ROBO2: variants seen among roughly 807,000 people sequenced by gnomAD.
ROBO2 encodes roundabout homolog 2.
Under a neutral mutation model 160.8 loss-of-function variants are expected in ROBO2, and 53 were observed. The observed-to-expected ratio is 0.33, with a 90% confidence interval of 0.26 to 0.41. ROBO2 has a LOEUF of 0.41. Among genes scored for constraint, ROBO2 ranks in the 10% least tolerant of loss-of-function variants. ROBO2 has a pLI of 1.00. For synonymous variants in ROBO2, 664 were observed against 611.7 expected (o/e 1.09, Z -1.26); for missense variants, 1,577 against 1,722.4 (o/e 0.92, Z 1.49).
chr3:77,419,772 T>G (rs2077552025), intron 2 of ROBO2, among the ~76,000 whole-genome samples: 1 of 152,120 alleles, frequency 6.6e-6, no homozygotes, highest in Admixed American at 6.6e-5. Flanking sequence ...GGATATTTGT[T>G]AAAAAGCAAA....
chr3:76,176,367 A>G (rs2073231116), intron 2 of ROBO2, among the ~76,000 whole-genome samples: 1 of 151,522 alleles, frequency 6.6e-6, no homozygotes, highest in African/African-American at 2.4e-5. Flanking sequence ...GCTGTGCTCC[A>G]AGGACAGGGA....
intron 2 of ROBO2, among the ~76,000 whole-genome samples, chr3:76,042,266 A>G (rs2067297120): frequency 6.6e-6 from 1 of 152,024 alleles, no homozygotes; most frequent in African/African-American, 2.4e-5. Flanking sequence ...TTAATGCATG[A>G]TATGCAGGTG....
At chr3:77,176,110 G>A (rs1381888498) in intron 2 of ROBO2, among the ~76,000 whole-genome samples, 1 of 151,796 alleles carries the variant, frequency 6.6e-6, no homozygotes, top group African/African-American at 2.4e-5. Flanking sequence ...AGCTCCAAAA[G>A]ATTGAGGGAG....
intron 2 of ROBO2, among the ~76,000 whole-genome samples, chr3:77,237,374 T>C (rs1335769155): frequency 3.3e-5 from 5 of 149,620 alleles, no homozygotes; most frequent in Non-Finnish European, 5.9e-5. Context: ...TTTTCTTTTC[T>C]TTTTTTTTCT....
intron 16 of ROBO2, among the ~76,000 whole-genome samples, chr3:77,585,187 C>T (rs962155032): frequency 2.0e-5 from 3 of 150,764 alleles, no homozygotes; most frequent in Non-Finnish European, 3.0e-5. Flanking sequence ...GTAGAGCTTT[C>T]TGTTTCTTTT....
Position 76,437,341 on chromosome 3 carries a change from G to C in ROBO2, c.109+499739G>C, listed in dbSNP as rs146067300. On this transcript the variant is annotated intron_variant, in intron 2 of 26. Transcript: ENST00000487694. ...AGTTAGAGTTGGTCACCTCCAGCTG[G>C]GTTTCCTATACTTGAAAAAACCAAT... Among the ~76,000 whole-genome samples, 549 of 152,230 alleles carry C rather than the reference G, an allele frequency of 3.6e-3. 1 individual carries two copies. The highest frequency in any genetic ancestry group is 0.013 in the African/African-American group (525 of 41,538).
chr3:77,273,164 A>G (rs1218385836), intron 2 of ROBO2, among the ~76,000 whole-genome samples: 1 of 151,468 alleles, frequency 6.6e-6, no homozygotes, highest in Non-Finnish European at 1.5e-5. Flanking sequence ...TTTTGTTTCC[A>G]TGTGTGCACA....
chr3:77,152,319 A>G (rs1452769835), intron 2 of ROBO2, among the ~76,000 whole-genome samples: 1 of 152,218 alleles, frequency 6.6e-6, no homozygotes, highest in African/African-American at 2.4e-5. Flanking sequence ...TTAATACTAT[A>G]TTTAGCCTAA....
chr3:76,569,958 CT>C (rs2084858580), intron 2 of ROBO2, among the ~76,000 whole-genome samples: 1 of 152,024 alleles, frequency 6.6e-6, no homozygotes, highest in Admixed American at 6.6e-5. Context: ...GACATTGTCT[CT>C]AATAAAATTA....
intron 2 of ROBO2, among the ~76,000 whole-genome samples, chr3:77,164,509 C>T (rs1186623828): frequency 7.0e-6 from 1 of 143,204 alleles, no homozygotes; most frequent in Non-Finnish European, 1.6e-5. Context: ...CCCCGCCCGG[C>T]CAGCCGTGCT....
At chr3:76,650,492 T>TA (rs1553852873) in intron 2 of ROBO2, among the ~76,000 whole-genome samples, 25 of 151,824 alleles carry the variant, frequency 1.6e-4, no homozygotes, top group Non-Finnish European at 3.2e-4. Context: ...TTTTTTTTTT[T>TA]ATTTTTTTCT....
chr3:77,470,144 G>A (rs1240063195), intron 2 of ROBO2, among the ~76,000 whole-genome samples: 1 of 152,146 alleles, frequency 6.6e-6, no homozygotes, highest in Non-Finnish European at 1.5e-5. Flanking sequence ...AAATGTCCCT[G>A]ATGAGCCTGG....
chr3:77,337,909 G>A (rs2066651476), intron 2 of ROBO2, among the ~76,000 whole-genome samples: 1 of 152,088 alleles, frequency 6.6e-6, no homozygotes, highest in Admixed American at 6.6e-5. Flanking sequence ...ATTCCAGCTT[G>A]ACTCCACAAA....
intron 2 of ROBO2, among the ~76,000 whole-genome samples, chr3:76,601,669 A>G (rs998404940): frequency 2.0e-5 from 3 of 152,096 alleles, no homozygotes; most frequent in Non-Finnish European, 2.9e-5. Context: ...GGCCAAGGTA[A>G]CCATTTTCTC....
At chr3:77,034,537 T>C (rs931811741) in intron 2 of ROBO2, among the ~76,000 whole-genome samples, 1 of 151,938 alleles carries the variant, frequency 6.6e-6, no homozygotes, top group African/African-American at 2.4e-5. Context: ...GACAGTTCAA[T>C]TAGATTACAT....
chr3:77,426,120 G>T (rs777694626), intron 2 of ROBO2, among the ~76,000 whole-genome samples: 1 of 152,054 alleles, frequency 6.6e-6, no homozygotes, highest in Admixed American at 6.6e-5. Flanking sequence ...GTTAAAGGTC[G>T]TTCAGCTGTC....
intron 2 of ROBO2, among the ~76,000 whole-genome samples, chr3:77,472,234 C>T (rs1388158365): frequency 6.6e-6 from 1 of 152,070 alleles, no homozygotes; most frequent in Admixed American, 6.5e-5. Context: ...CTAGTTCATG[C>T]TCAAGGGGAG....
At chr3:77,014,864 G>A (rs2062142210) in intron 2 of ROBO2, among the ~76,000 whole-genome samples, 1 of 152,052 alleles carries the variant, frequency 6.6e-6, no homozygotes, top group Non-Finnish European at 1.5e-5. Context: ...TTAGGCTTTT[G>A]TTGAATAATG....
At chr3:77,381,877 T>C (rs2073518120) in intron 2 of ROBO2, among the ~76,000 whole-genome samples, 1 of 152,190 alleles carries the variant, frequency 6.6e-6, no homozygotes, top group Non-Finnish European at 1.5e-5. Flanking sequence ...TCCTGGACAT[T>C]TTCTGATGTT....
Sources: gnomAD v4.1 joint callset for allele counts (sites outside exome capture counted in the v4.1 genomes callset) on GRCh38, gnomAD v4.1.1 for gene constraint, MANE v1.5 for transcripts, NCBI Gene and HGNC (gene_info 2026-07-23, HGNC 2026-07-21) for gene names.